The following NOS1AP variants were observed in gnomAD, a reference collection of about 807,000 sequenced individuals.
The protein encoded by NOS1AP is carboxyl-terminal PDZ ligand of neuronal nitric oxide synthase protein.
NOS1AP carries 21 observed loss-of-function variants against 56.2 expected under a neutral mutation model. The ratio of observed to expected loss-of-function variants is 0.37; its 90% CI spans 0.26 to 0.54. NOS1AP has a LOEUF of 0.54. NOS1AP is among the 20% of genes least tolerant of loss of function. The pLI is 0.84. For synonymous variants in NOS1AP, 270 were observed against 274.6 expected (o/e 0.98, Z 0.17); for missense variants, 522 against 657.8 (o/e 0.79, Z 2.26).
chr1:162,078,774 C>T (rs1691827092), intron 1 of NOS1AP, among the ~76,000 whole-genome samples: 1 of 152,162 alleles, frequency 6.6e-6, no homozygotes, highest in Non-Finnish European at 1.5e-5. Flanking sequence ...TCACCCTGGG[C>T]TTCAACCCAA....
At chr1:162,155,308 G>A (rs1649910996) in intron 2 of NOS1AP, among the ~76,000 whole-genome samples, 2 of 142,552 alleles carry the variant, frequency 1.4e-5, no homozygotes, top group African/African-American at 5.1e-5. Context: ...GTATATGTAT[G>A]TGTATATATA....
At chr1:162,279,297 C>G (rs141926296) in intron 2 of NOS1AP, among the ~76,000 whole-genome samples, 1 of 152,156 alleles carries the variant, frequency 6.6e-6, no homozygotes, top group Non-Finnish European at 1.5e-5. Flanking sequence ...GGGGCTATCT[C>G]GTCTCCTCTC....
chr1:162,305,023 A>G (rs1218371566), intron 4 of NOS1AP, among the ~76,000 whole-genome samples: 1 of 152,130 alleles, frequency 6.6e-6, no homozygotes, highest in Non-Finnish European at 1.5e-5. Flanking sequence ...TGAAGTGTTC[A>G]TTTTAGACGA....
chr1:162,158,367 C>G (rs567448364), intron 2 of NOS1AP, among the ~76,000 whole-genome samples: 1 of 152,158 alleles, frequency 6.6e-6, no homozygotes, highest in African/African-American at 2.4e-5. Context: ...TGTATATATA[C>G]CACATTAAAA....
chr1:162,123,971 T>C (rs1265898676), intron 1 of NOS1AP, among the ~76,000 whole-genome samples: 2 of 152,222 alleles, frequency 1.3e-5, no homozygotes, highest in Non-Finnish European at 2.9e-5. Flanking sequence ...CTCTACAGAC[T>C]TTATTTAAAT....
chr1:162,144,820 A>G (rs1649389359), intron 1 of NOS1AP, among the ~76,000 whole-genome samples: 1 of 152,126 alleles, frequency 6.6e-6, no homozygotes, highest in African/African-American at 2.4e-5. Context: ...TGTACCCCTC[A>G]GATCCTCATA....
chr1:162,273,684 A>C (rs1452633506), intron 2 of NOS1AP, among the ~76,000 whole-genome samples: 1 of 152,180 alleles, frequency 6.6e-6, no homozygotes, highest in African/African-American at 2.4e-5. Context: ...TTATTTTTAA[A>C]ATTAACAGTA....
intron 4 of NOS1AP, among the ~76,000 whole-genome samples, chr1:162,314,408 A>T (rs1656162815): frequency 1.3e-5 from 2 of 152,244 alleles, no homozygotes; most frequent in African/African-American, 4.8e-5. Context: ...TACCCTATGG[A>T]GAAAGTAACA....
intron 2 of NOS1AP, among the ~76,000 whole-genome samples, chr1:162,252,720 C>T (rs1014381571): frequency 4.6e-5 from 7 of 152,140 alleles, no homozygotes; most frequent in South Asian, 2.1e-4. Context: ...CATGCTTTCT[C>T]TTATATTGGT....
intron 2 of NOS1AP, among the ~76,000 whole-genome samples, chr1:162,277,424 T>C (rs768240040): frequency 2.0e-5 from 3 of 152,208 alleles, no homozygotes; most frequent in East Asian, 1.9e-4. Flanking sequence ...CCTTTCATTA[T>C]ACCACGAATA....
chr1:162,221,024 C>T (rs1316676752), intron 2 of NOS1AP, among the ~76,000 whole-genome samples: 1 of 152,180 alleles, frequency 6.6e-6, no homozygotes, highest in Non-Finnish European at 1.5e-5. Flanking sequence ...TCACTGCAAC[C>T]TCCACCTCTC....
At chr1:162,357,848 T>C (rs1657752808) in intron 8 of NOS1AP, among the ~76,000 whole-genome samples, 1 of 151,934 alleles carries the variant, frequency 6.6e-6, no homozygotes, top group South Asian at 2.1e-4. Flanking sequence ...GGGATTCTTC[T>C]TGTTTGCTTT....
chr1:162,099,657 G>C (rs142148298), intron 1 of NOS1AP, among the ~76,000 whole-genome samples: 4 of 150,490 alleles, frequency 2.7e-5, no homozygotes, highest in Non-Finnish European at 5.9e-5. Flanking sequence ...CATACTTTAA[G>C]TTTTAGGGTA....
At chr1:162,231,317 A>G (rs914255298) in intron 2 of NOS1AP, among the ~76,000 whole-genome samples, 1 of 152,144 alleles carries the variant, frequency 6.6e-6, no homozygotes, top group Non-Finnish European at 1.5e-5. Flanking sequence ...TCTTCTGCCC[A>G]TTTTAAAATT....
intron 8 of NOS1AP, among the ~76,000 whole-genome samples, chr1:162,362,080 A>G (rs1020649356): frequency 1.3e-5 from 2 of 152,216 alleles, no homozygotes; most frequent in African/African-American, 4.8e-5. Context: ...GGAGTACCCA[A>G]CAGACAAGCA....
At chr1:162,201,079 C>T (rs938645562) in intron 2 of NOS1AP, among the ~76,000 whole-genome samples, 2 of 152,158 alleles carry the variant, frequency 1.3e-5, no homozygotes, top group South Asian at 2.1e-4. Flanking sequence ...CTCTGATAAA[C>T]CCCAGTTTGT....
At chr1:162,134,674 A>G (rs987461968) in intron 1 of NOS1AP, among the ~76,000 whole-genome samples, 63 of 151,880 alleles carry the variant, frequency 4.1e-4, no homozygotes, top group African/African-American at 1.5e-3. Flanking sequence ...TCCTGTCCCT[A>G]TTATCTCCCA....
At chr1:162,277,989 T>C (rs7528328) in intron 2 of NOS1AP, among the ~76,000 whole-genome samples, 29,616 of 152,120 alleles carry the variant, frequency 0.19, 3,012 homozygotes, top group East Asian at 0.3. Context: ...TGCACCTCTA[T>C]TTTTCACTCT....
rs781384451 is a variant in NOS1AP at position 162,343,907 on chromosome 1, A to T, written c.526A>T (p.Thr176Ser). Residue 176 changes from threonine (T) to serine (S), a missense_variant, in exon 6 of 10, where the codon ACG (threonine) becomes TCG (serine). This residue lies in a region of NOS1AP where 178 missense variants were observed against 165.0 expected (regional missense o/e 1.08). Coordinates refer to ENST00000361897, the MANE Select transcript of NOS1AP (RefSeq NM_014697.3). ...EVCHKLSLQH[T>S]QQNADGQEDG... ...CTGCCACAAGCTGAGCCTGCAGCAC[A>T]CGCAGCAGAATGCAGATGGCCAGGA... is the stretch of plus-strand genomic sequence containing the variant. 1.2e-6 allele frequency: 2 copies of T among 1,614,102 alleles called. No individual in the cohort carries two copies. Among genetic ancestry groups the T allele is most frequent in the Non-Finnish European group, 8.5e-7 (1 of 1,179,994 alleles).
Sources: allele counts gnomAD v4.1 joint callset (sites outside exome capture counted in the v4.1 genomes callset), GRCh38; gene constraint gnomAD v4.1.1; regional missense constraint gnomAD v4.1.1; transcripts MANE v1.5; gene names NCBI Gene and HGNC (gene_info 2026-07-23, HGNC 2026-07-21).